The following NFIA variants were observed in gnomAD, a reference collection of about 807,000 sequenced individuals.
NFIA encodes nuclear factor 1 A-type.
A neutral mutation model predicts 62.8 loss-of-function variants in NFIA; 8 were observed. The observed-to-expected ratio is 0.13, with a 90% CI of 0.07 to 0.23. The LOEUF (loss-of-function observed/expected upper bound fraction) is 0.23, where lower values mean the gene tolerates loss of function less well. Ranked by LOEUF, NFIA falls within the 10% of genes least tolerant of loss-of-function variation. The pLI, the probability that NFIA is intolerant of heterozygous loss-of-function variation, is 1.00. For synonymous variants in NFIA, 235 were observed against 238.1 expected (o/e 0.99, Z 0.12); for missense variants, 410 against 642.1 (o/e 0.64, Z 3.91).
chr1:61,448,424 CT>C (rs1444097899), intron 10 of NFIA, among the ~76,000 whole-genome samples: 3 of 152,170 alleles, frequency 2.0e-5, no homozygotes, highest in African/African-American at 7.2e-5. Context: ...GAGTGATTTG[CT>C]TTCCTGGGGA....
intron 4 of NFIA, among the ~76,000 whole-genome samples, chr1:61,352,089 C>G (rs74086797): frequency 0.13 from 19,374 of 152,204 alleles, 1,921 homozygotes; most frequent in African/African-American, 0.27. Context: ...TAGAAGCTGT[C>G]AGGATCAGAT....
intron 2 of NFIA, among the ~76,000 whole-genome samples, chr1:61,126,462 A>ACACT (rs1553153080): frequency 3.0e-4 from 44 of 145,930 alleles, no homozygotes; most frequent in African/African-American, 9.9e-4. Context: ...ACACACACAC[A>ACACT]CACACACACA....
At chr1:61,273,088 A>G (rs1657611308) in intron 2 of NFIA, among the ~76,000 whole-genome samples, 1 of 152,184 alleles carries the variant, frequency 6.6e-6, no homozygotes, top group Non-Finnish European at 1.5e-5. Flanking sequence ...CAGGAATGAC[A>G]TCGGTTTGTT....
intron 9 of NFIA, among the ~76,000 whole-genome samples, chr1:61,412,430 GC>G (rs1241262734): frequency 6.6e-6 from 1 of 152,172 alleles, no homozygotes; most frequent in Non-Finnish European, 1.5e-5. Context: ...TGAGAAGTAA[GC>G]GGGTTCCAGG....
chr1:61,173,010 A>G (rs1195892091), intron 2 of NFIA, among the ~76,000 whole-genome samples: 2 of 152,170 alleles, frequency 1.3e-5, no homozygotes, highest in African/African-American at 2.4e-5. Context: ...GAGGGCAGGT[A>G]TTGTTACCTC....
chr1:61,184,262 G>A (rs1650986170), intron 2 of NFIA, among the ~76,000 whole-genome samples: 1 of 152,198 alleles, frequency 6.6e-6, no homozygotes, highest in Non-Finnish European at 1.5e-5. Flanking sequence ...AGTGAAGGGC[G>A]ACGTTCCGCT....
At chr1:61,089,701 T>TTTTTTTC (rs1553149380) in intron 2 of NFIA, among the ~76,000 whole-genome samples, 2 of 149,942 alleles carry the variant, frequency 1.3e-5, no homozygotes, top group Non-Finnish European at 3.0e-5. Context: ...TTTTCTTTTT[T>TTTTTTTC]TTTTTTTTTT....
chr1:61,238,715 T>C (rs1005545260), intron 2 of NFIA, among the ~76,000 whole-genome samples: 1 of 152,196 alleles, frequency 6.6e-6, no homozygotes, highest in Admixed American at 6.5e-5. Flanking sequence ...TTTTCCCTCT[T>C]GGTTTCTCCA....
At chr1:61,182,843 G>A (rs983048001) in intron 2 of NFIA, among the ~76,000 whole-genome samples, 1 of 152,196 alleles carries the variant, frequency 6.6e-6, no homozygotes, top group South Asian at 2.1e-4. Context: ...AATGTTATAT[G>A]AATGACAGTG....
At chr1:61,116,036 T>C (rs2100461596) in intron 2 of NFIA, among the ~76,000 whole-genome samples, 1 of 151,672 alleles carries the variant, frequency 6.6e-6, no homozygotes, top group South Asian at 2.1e-4. Context: ...TTTTTTTGCC[T>C]TGTTTTGAGG....
chr1:61,138,685 A>G (rs980481299), intron 2 of NFIA, among the ~76,000 whole-genome samples: 1 of 151,450 alleles, frequency 6.6e-6, no homozygotes, highest in Admixed American at 6.6e-5. Context: ...GGTTCCAGAA[A>G]TCTCCCTCCT....
chr1:61,077,707 T>A (rs1043250848), upstream of NFIA: 2 of 1,207,698 alleles, frequency 1.7e-6, no homozygotes, highest in Admixed American at 3.0e-5. Context: ...TGATTTTGTT[T>A]AATGGCTAAG....
intron 2 of NFIA, among the ~76,000 whole-genome samples, chr1:61,116,848 T>C (rs1646800923): frequency 6.6e-6 from 1 of 152,248 alleles, no homozygotes; most frequent in South Asian, 2.1e-4. Flanking sequence ...TAGTTTTCCA[T>C]TGTTAGGTGA....
intron 5 of NFIA, 92 bp downstream of exon 5, chr1:61,352,659 C>G: frequency 1.0e-6 from 1 of 990,426 alleles, no homozygotes; most frequent in Non-Finnish European, 1.6e-6. Context: ...AGCAATGCGC[C>G]TTTAGTAATA....
chr1:61,402,188 C>T (rs1046624104), intron 7 of NFIA, among the ~76,000 whole-genome samples: 14 of 151,856 alleles, frequency 9.2e-5, no homozygotes, highest in Admixed American at 7.9e-4. Context: ...CAGGCACCCA[C>T]CACCACACCT....
At chr1:61,210,680 C>A (rs542556965) in intron 2 of NFIA, among the ~76,000 whole-genome samples, 1 of 152,300 alleles carries the variant, frequency 6.6e-6, no homozygotes, top group Admixed American at 6.5e-5. Context: ...ATGGATATGA[C>A]ATTGGGAAGT....
chr1:61,225,132 G>GT (rs1265345658), intron 2 of NFIA, among the ~76,000 whole-genome samples: 4 of 148,402 alleles, frequency 2.7e-5, no homozygotes. Context: ...TATATATTTT[G>GT]TTTTTTGTTT....
chr1:61,078,364 T>C (rs1557547943), upstream of NFIA, among the ~76,000 whole-genome samples: 1 of 152,230 alleles, frequency 6.6e-6, no homozygotes, highest in African/African-American at 2.4e-5. Flanking sequence ...AACTTTGTAT[T>C]GTTATTAACT....
chr1:61,248,084 C>G (rs945331655), intron 2 of NFIA, among the ~76,000 whole-genome samples: 2 of 152,138 alleles, frequency 1.3e-5, no homozygotes, highest in African/African-American at 4.8e-5. Flanking sequence ...ATTGAGCCAG[C>G]ATTTACCAAG....
Sources: allele counts gnomAD v4.1 joint callset (sites outside exome capture counted in the v4.1 genomes callset), GRCh38; gene constraint gnomAD v4.1.1; transcripts MANE v1.5; gene names NCBI Gene and HGNC (gene_info 2026-07-23, HGNC 2026-07-21).